Variants in NDUFS4 observed in about 807,000 individuals in gnomAD.
The protein encoded by NDUFS4 is NADH:ubiquinone oxidoreductase subunit S4, also known as NADH dehydrogenase [ubiquinone] iron-sulfur protein 4, mitochondrial.
NDUFS4 carries 28 observed loss-of-function variants against 24.3 expected under a neutral mutation model. That is an observed-to-expected ratio of 1.15 (90% confidence interval 0.85 to 1.58). The LOEUF (loss-of-function observed/expected upper bound fraction) is 1.58, where lower values mean the gene tolerates loss of function less well. Among genes scored for constraint, NDUFS4 ranks in the 40% most tolerant of loss-of-function variants. NDUFS4 has a pLI of 0.00. For missense variants in NDUFS4, 223 were observed against 207.9 expected (o/e 1.07, Z -0.45); for synonymous variants, 93 against 69.7 (o/e 1.34, Z -1.67).
intron 4 of NDUFS4, among the ~76,000 whole-genome samples, chr5:53,678,080 G>A (rs1055916034): frequency 6.6e-6 from 1 of 152,088 alleles, no homozygotes; most frequent in Non-Finnish European, 1.5e-5. Flanking sequence ...TAAGTTAATT[G>A]TGGCCTGGTT....
intron 2 of NDUFS4, among the ~76,000 whole-genome samples, chr5:53,606,000 C>T (rs1326693888): frequency 1.6e-5 from 2 of 129,008 alleles, no homozygotes; most frequent in Non-Finnish European, 3.1e-5. Flanking sequence ...GGCGATAGAG[C>T]GAGACTCCGT....
At chr5:53,575,724 A>G (rs1166089271) in intron 1 of NDUFS4, among the ~76,000 whole-genome samples, 7 of 151,590 alleles carry the variant, frequency 4.6e-5, no homozygotes, top group Non-Finnish European at 1.0e-4. Flanking sequence ...GTATTTTTGT[A>G]GAGATGGGGG....
At chr5:53,597,170 C>T (rs1212127094) in intron 1 of NDUFS4, among the ~76,000 whole-genome samples, 1 of 152,282 alleles carries the variant, frequency 6.6e-6, no homozygotes, top group Admixed American at 6.5e-5. Flanking sequence ...CTGTCAATTC[C>T]TCTTCACAAG....
chr5:53,566,096 C>T (rs568553432), intron 1 of NDUFS4, among the ~76,000 whole-genome samples: 1 of 152,322 alleles, frequency 6.6e-6, no homozygotes, highest in African/African-American at 2.4e-5. Context: ...TCGCTTGAAC[C>T]TGGGAGGCGG....
chr5:53,583,337 T>G (rs1329687846), intron 1 of NDUFS4, among the ~76,000 whole-genome samples: 1 of 152,196 alleles, frequency 6.6e-6, no homozygotes, highest in Non-Finnish European at 1.5e-5. Flanking sequence ...TACGGCAATA[T>G]TTACTAAAAT....
chr5:53,622,321 A>C (rs1751068034), intron 2 of NDUFS4, among the ~76,000 whole-genome samples: 1 of 152,132 alleles, frequency 6.6e-6, no homozygotes, highest in Admixed American at 6.6e-5. Context: ...TGGTTCAAAC[A>C]ACAGAAATTT....
chr5:53,658,560 C>T lies in NDUFS4; in HGVS notation c.360C>T (p.Pro120=), dbSNP rs368876333. 1 of 1,613,084 alleles carries T rather than the reference C, an allele frequency of 6.2e-7. No individual in the cohort carries two copies. The highest frequency in any genetic ancestry group is 1.3e-5 in the African/African-American group (1 of 74,868). Residue 120 remains proline (P), a synonymous_variant, in exon 4 of 5, where the codon CCC becomes CCT. Transcript: ENST00000296684. ...AATTTGTTTCTTACAGGGCTGATCC[C>T]TTATCCAACATGGTTCTAACCTTCA... is the stretch of plus-strand genomic sequence containing the variant. The part of the protein sequence containing the change: ...PLMGWASTAD[P]LSNMVLTFST...
intron 3 of NDUFS4, among the ~76,000 whole-genome samples, chr5:53,647,673 G>A (rs1261867851): frequency 1.3e-5 from 2 of 152,156 alleles, no homozygotes; most frequent in African/African-American, 4.8e-5. Context: ...ACATTAGGCA[G>A]ATAAGCTAGA....
intron 4 of NDUFS4, among the ~76,000 whole-genome samples, chr5:53,660,096 T>C (rs564192153): frequency 6.6e-6 from 1 of 151,938 alleles, no homozygotes; most frequent in African/African-American, 2.4e-5. Flanking sequence ...GTTGGTGTGC[T>C]GCACCGATTA....
chr5:53,620,051 G>A (rs1579882324), intron 2 of NDUFS4, among the ~76,000 whole-genome samples: 1 of 151,994 alleles, frequency 6.6e-6, no homozygotes, highest in Non-Finnish European at 1.5e-5. Context: ...CAGTGGCAAG[G>A]TGGGAGGATT....
chr5:53,681,526 A>G (rs758577805), intron 4 of NDUFS4, among the ~76,000 whole-genome samples: 6 of 152,148 alleles, frequency 3.9e-5, no homozygotes, highest in Non-Finnish European at 7.4e-5. Context: ...GGAGATAACT[A>G]CTTGTTAATG....
Position 53,672,566 on chromosome 5 carries a change from T to G in NDUFS4, c.425-10552T>G, listed in dbSNP as rs1000404181. Among the ~76,000 whole-genome samples the G allele has an allele frequency of 2.0e-5, 3 of 151,518 alleles. No homozygotes were observed. In the East Asian group the frequency reaches 5.8e-4, roughly 29 times the overall value. On this transcript the variant is annotated intron_variant, in intron 4 of 4. Coordinates refer to ENST00000296684, the MANE Select transcript of NDUFS4 (RefSeq NM_002495.4). ...ATCTGATAATCTAGAAGGGGAAGGG[T>G]GTGCCAGAGACAATGCACAGTTTTC...
chr5:53,603,467 C>T lies in NDUFS4; in HGVS notation c.114C>T (p.Ser38=). The T allele has an allele frequency of 6.2e-7, 1 of 1,613,402 alleles. No individual in the cohort carries two copies. Among genetic ancestry groups the T allele is most frequent in the Non-Finnish European group, 8.5e-7 (1 of 1,179,822 alleles). Residue 38 remains serine, a synonymous_variant, in exon 2 of 5, where the codon TCC becomes TCT. Transcript: ENST00000296684. Reference sequence around the variant, plus strand: ...TGCACTGCAGGTCGTTGAGGACTTCCACATGGAGATTGGCACAGGACCAGA... The same window carrying T: ...TGCACTGCAGGTCGTTGAGGACTTCTACATGGAGATTGGCACAGGACCAGA... The part of the protein sequence containing the change: ...SRVPTRSLRT[S]TWRLAQDQTQ...
At chr5:53,595,874 T>C (rs1439607555) in intron 1 of NDUFS4, among the ~76,000 whole-genome samples, 1 of 152,106 alleles carries the variant, frequency 6.6e-6, no homozygotes, top group East Asian at 1.9e-4. Flanking sequence ...ATGAGAAAAA[T>C]AATCCTTACT....
chr5:53,586,584 G>A (rs1464645412), intron 1 of NDUFS4, among the ~76,000 whole-genome samples: 3 of 151,994 alleles, frequency 2.0e-5, no homozygotes, highest in African/African-American at 7.2e-5. Flanking sequence ...GTGCAGTGGC[G>A]CAATCTTGGC....
intron 4 of NDUFS4, among the ~76,000 whole-genome samples, chr5:53,668,066 A>G (rs956684474): frequency 2.0e-5 from 3 of 152,228 alleles, no homozygotes; most frequent in African/African-American, 7.2e-5. Flanking sequence ...CTTGCCTTTC[A>G]GTAGTATCTA....
intron 1 of NDUFS4, among the ~76,000 whole-genome samples, chr5:53,581,764 CTCA>C (rs1749574142): frequency 6.6e-6 from 1 of 152,072 alleles, no homozygotes; most frequent in South Asian, 2.1e-4. Context: ...CCTCTCTTAC[CTCA>C]TCATGTTTTT....
chr5:53,614,124 C>G (rs967281616), intron 2 of NDUFS4, among the ~76,000 whole-genome samples: 1 of 151,718 alleles, frequency 6.6e-6, no homozygotes, highest in African/African-American at 2.4e-5. Flanking sequence ...TGAATTTTTT[C>G]TACTCTCCTT....
chr5:53,674,333 G>GTGTC (rs1395826949), intron 4 of NDUFS4, among the ~76,000 whole-genome samples: 13 of 152,158 alleles, frequency 8.5e-5, no homozygotes, highest in Non-Finnish European at 1.8e-4. Context: ...GGGCACATGA[G>GTGTC]TGTCTTATGA....
Sources: gnomAD v4.1 joint callset for allele counts (sites outside exome capture counted in the v4.1 genomes callset) on GRCh38, gnomAD v4.1.1 for gene constraint, MANE v1.5 for transcripts, NCBI Gene and HGNC (gene_info 2026-07-23, HGNC 2026-07-21) for gene names.